The following GRAMD2B variants were observed in gnomAD, a reference collection of about 807,000 sequenced individuals.
The protein encoded by GRAMD2B is GRAM domain containing 2B.
GRAMD2B carries 41 observed loss-of-function variants against 59.2 expected under a neutral mutation model. The ratio of observed to expected loss-of-function variants is 0.69; its 90% CI spans 0.54 to 0.90. The LOEUF (loss-of-function observed/expected upper bound fraction) is 0.90. GRAMD2B is among the 40% of genes least tolerant of loss of function. The probability of loss-of-function intolerance (pLI) is 0.00; values close to 1 mark genes in which losing one functional copy is unlikely to be tolerated. For synonymous variants in GRAMD2B, 161 were observed against 182.7 expected, an observed-to-expected ratio of 0.88 and a Z score of 0.96; for missense variants, 424 against 500.5, an observed-to-expected ratio of 0.85 and a Z score of 1.46.
At chr5:126,462,619 A>C (rs1405221653) in intron 1 of GRAMD2B, among the ~76,000 whole-genome samples, 1 of 152,212 alleles carries the variant, frequency 6.6e-6, no homozygotes, top group Non-Finnish European at 1.5e-5. Context: ...ACTGTGAGCA[A>C]ATGCTGAGCT....
intron 2 of GRAMD2B, 72 bp downstream of exon 2, chr5:126,465,617 T>A (rs1339710152): frequency 4.9e-6 from 7 of 1,416,664 alleles, no homozygotes; most frequent in Admixed American, 2.0e-5. Context: ...GGAGCAGGGG[T>A]TTTTTGTTAA....
At chr5:126,421,502 C>A (rs1759725274), upstream of GRAMD2B, among the ~76,000 whole-genome samples, 1 of 152,164 alleles carries the variant, frequency 6.6e-6, no homozygotes, top group Non-Finnish European at 1.5e-5. Flanking sequence ...GCTTTCAGGT[C>A]ACCCAGAGTT....
chr5:126,373,763 G>C (rs1326022083), intron 1 of GRAMD2B, among the ~76,000 whole-genome samples: 1 of 152,232 alleles, frequency 6.6e-6, no homozygotes, highest in Non-Finnish European at 1.5e-5. Context: ...CTCCAAGGAA[G>C]TGATATTTAG....
intron 1 of GRAMD2B, among the ~76,000 whole-genome samples, chr5:126,433,206 C>T (rs1259200711): frequency 6.6e-6 from 1 of 152,156 alleles, no homozygotes; most frequent in Non-Finnish European, 1.5e-5. Context: ...CTATTCAAAG[C>T]GCTTTTACAG....
At chr5:126,488,929 A>G (rs1167467890) in intron 13 of GRAMD2B, 37 bp downstream of exon 13, 1 of 1,479,172 alleles carries the variant, frequency 6.8e-7, no homozygotes, top group East Asian at 2.3e-5. Flanking sequence ...GGGCAGTCAC[A>G]GTAGTGCCTG....
chr5:126,484,244 C>A, intron 9 of GRAMD2B, 158 bp from the exon 10 acceptor site: 2 of 702,316 alleles, frequency 2.8e-6, no homozygotes, highest in East Asian at 2.8e-5. Flanking sequence ...TTTGCTTAAG[C>A]ATTCAATTTC....
chr5:126,472,370 A>C (rs1769766816), intron 4 of GRAMD2B, 66 bp downstream of exon 4: 1 of 1,291,030 alleles, frequency 7.7e-7, no homozygotes, highest in East Asian at 2.3e-5. Context: ...GTTTTGGGGA[A>C]GAAAAAGGGC....
intron 1 of GRAMD2B, among the ~76,000 whole-genome samples, chr5:126,411,841 GGT>G (rs147604532): frequency 3.4e-5 from 5 of 148,872 alleles, no homozygotes; most frequent in Non-Finnish European, 4.5e-5. Flanking sequence ...ATATATTTCT[GGT>G]GTGTGTGTGT....
chr5:126,480,246 G>C (rs1771462287), intron 6 of GRAMD2B: 1 of 531,658 alleles, frequency 1.9e-6, no homozygotes, highest in African/African-American at 1.9e-5. Context: ...TGGGTTTGAA[G>C]ATTTTGTTGC....
chr5:126,363,360 C>G (rs1754307223), intron 1 of GRAMD2B, among the ~76,000 whole-genome samples: 1 of 152,118 alleles, frequency 6.6e-6, no homozygotes, highest in African/African-American at 2.4e-5. Flanking sequence ...CTCTCATCCA[C>G]TGCTGGTCAG....
intron 1 of GRAMD2B, among the ~76,000 whole-genome samples, chr5:126,410,352 T>C (rs1758674045): frequency 6.6e-6 from 1 of 151,816 alleles, no homozygotes; most frequent in Non-Finnish European, 1.5e-5. Context: ...CTTTGTATCC[T>C]CTTTTATTTC....
intron 1 of GRAMD2B, among the ~76,000 whole-genome samples, chr5:126,444,567 C>T (rs1171458638): frequency 6.6e-6 from 1 of 152,102 alleles, no homozygotes; most frequent in Non-Finnish European, 1.5e-5. Flanking sequence ...CCTAGAATTC[C>T]ATATTTTGTT....
chr5:126,470,891 A>G lies in GRAMD2B; in HGVS notation c.315+1103A>G, dbSNP rs563486935. Among the ~76,000 whole-genome samples, 4 of 152,142 alleles carry G rather than the reference A, an allele frequency of 2.6e-5. No individual in the cohort carries two copies. In the East Asian group the frequency reaches 7.7e-4, roughly 29 times the overall value. The stretch of plus-strand genomic sequence containing the variant: ...GTCCCTTTTAATTGAAAGCAGCCCC[A>G]CTACCTTTTTTGCCATTTATTACGT... On this transcript the variant is annotated intron_variant, in intron 3 of 13. Coordinates refer to ENST00000285689, the MANE Select transcript of GRAMD2B (RefSeq NM_023927.4).
chr5:126,447,986 A>C (rs775422874), intron 1 of GRAMD2B, among the ~76,000 whole-genome samples: 4 of 151,930 alleles, frequency 2.6e-5, no homozygotes, highest in Admixed American at 6.6e-5. Context: ...CAGCCTCCCA[A>C]GTAGGTGGGA....
At chr5:126,450,794 G>A (rs1031766876) in intron 1 of GRAMD2B, among the ~76,000 whole-genome samples, 1 of 152,152 alleles carries the variant, frequency 6.6e-6, no homozygotes, top group African/African-American at 2.4e-5. Context: ...GCTTCCATGG[G>A]GTGCTAATCC....
intron 1 of GRAMD2B, among the ~76,000 whole-genome samples, chr5:126,414,680 G>C (rs1759109215): frequency 6.6e-6 from 1 of 151,978 alleles, no homozygotes; most frequent in Non-Finnish European, 1.5e-5. Context: ...TGCTGCCCAG[G>C]CTGAGCTCAA....
chr5:126,480,644 C>T lies in GRAMD2B; in HGVS notation c.672C>T (p.Asn224=), dbSNP rs1484531359. ...CGHLENTSVG[N]SPNPSSAENS... is the part of the protein sequence containing the mutation. ...AATTTCAGAATACAAGTGTTGGTAA[C>T]AGTCCCAATCCATCTTCTGCTGAAA... Residue 224 remains asparagine (N), a synonymous_variant, in exon 8 of 14, where the codon AAC becomes AAT. Transcript: ENST00000285689. 3 of 1,614,034 alleles carry T rather than the reference C, an allele frequency of 1.9e-6. No individual in the cohort carries two copies. The highest frequency in any genetic ancestry group is 2.2e-5 in the East Asian group (1 of 44,882).
chr5:126,459,267 C>T (rs1170402922), intron 1 of GRAMD2B, among the ~76,000 whole-genome samples: 3 of 152,080 alleles, frequency 2.0e-5, no homozygotes, highest in Non-Finnish European at 4.4e-5. Flanking sequence ...TCATGCCAGC[C>T]GCTAATATCC....
chr5:126,363,887 T>C (rs1335369750), intron 1 of GRAMD2B, among the ~76,000 whole-genome samples: 1 of 152,178 alleles, frequency 6.6e-6, no homozygotes, highest in Non-Finnish European at 1.5e-5. Context: ...GAAAATGTTC[T>C]AAAATTAGAT....
Sources: allele counts gnomAD v4.1 joint callset (sites outside exome capture counted in the v4.1 genomes callset), GRCh38; gene constraint gnomAD v4.1.1; transcripts MANE v1.5; gene names NCBI Gene and HGNC (gene_info 2026-07-23, HGNC 2026-07-21).